The following FRMD3 variants were observed in gnomAD, a reference collection of about 807,000 sequenced individuals.
The protein encoded by FRMD3 is FERM domain-containing protein 3.
FRMD3 carries 33 observed loss-of-function variants against 70.2 expected under a neutral mutation model. The ratio of observed to expected loss-of-function variants is 0.47; its 90% CI spans 0.36 to 0.63. The LOEUF (loss-of-function observed/expected upper bound fraction) is 0.63. Among genes scored for constraint, FRMD3 ranks in the 20% least tolerant of loss-of-function variants. The pLI, the probability that FRMD3 is intolerant of heterozygous loss-of-function variation, is 0.00. For synonymous variants in FRMD3, 279 were observed against 255.9 expected, an observed-to-expected ratio of 1.09 and a Z score of -0.86; for missense variants, 632 against 711.4, an observed-to-expected ratio of 0.89 and a Z score of 1.27.
intron 6 of FRMD3, among the ~76,000 whole-genome samples, chr9:83,326,240 G>A (rs7858312): frequency 0.45 from 68,044 of 151,964 alleles, 15,781 homozygotes; most frequent in African/African-American, 0.57. Flanking sequence ...TTAACACACA[G>A]TATGTTCTGT....
At chr9:83,360,591 G>C (rs954947911) in intron 3 of FRMD3, among the ~76,000 whole-genome samples, 1 of 152,088 alleles carries the variant, frequency 6.6e-6, no homozygotes, top group Non-Finnish European at 1.5e-5. Flanking sequence ...TACTGCCCCA[G>C]AGATATAAGG....
chr9:83,381,125 C>T (rs1396459991), intron 2 of FRMD3, among the ~76,000 whole-genome samples: 1 of 152,200 alleles, frequency 6.6e-6, no homozygotes, highest in African/African-American at 2.4e-5. Context: ...ATAGCGAGGC[C>T]TAGTTATTTA....
intron 13 of FRMD3, among the ~76,000 whole-genome samples, chr9:83,269,066 T>C (rs571738664): frequency 6.6e-6 from 1 of 152,314 alleles, no homozygotes; most frequent in African/African-American, 2.4e-5. Context: ...TTTAGGACAC[T>C]GAAGAACAAA....
At chr9:83,431,848 G>A (rs1220257695) in intron 1 of FRMD3, among the ~76,000 whole-genome samples, 2 of 152,124 alleles carry the variant, frequency 1.3e-5, no homozygotes, top group African/African-American at 2.4e-5. Flanking sequence ...TTGCCTTTCA[G>A]GAATGAGCTC....
intron 1 of FRMD3, among the ~76,000 whole-genome samples, chr9:83,505,310 C>G (rs530007857): frequency 1.3e-5 from 2 of 152,124 alleles, no homozygotes; most frequent in Non-Finnish European, 2.9e-5. Context: ...TTTTTGCCAG[C>G]CTACTAATTT....
At chr9:83,443,332 G>A (rs551623481) in intron 1 of FRMD3, among the ~76,000 whole-genome samples, 16 of 152,114 alleles carry the variant, frequency 1.1e-4, no homozygotes, top group South Asian at 2.1e-4. Context: ...GATGTACCCC[G>A]CCCTGTATCG....
intron 4 of FRMD3, among the ~76,000 whole-genome samples, chr9:83,344,663 T>C (rs748212967): frequency 6.6e-6 from 1 of 152,216 alleles, no homozygotes; most frequent in Non-Finnish European, 1.5e-5. Context: ...CCATTGACTC[T>C]CTGGTTCTCA....
chr9:83,316,158 TTTC>T (rs1382198922), intron 6 of FRMD3, among the ~76,000 whole-genome samples: 92 of 127,452 alleles, frequency 7.2e-4, no homozygotes, highest in African/African-American at 3.2e-3. Flanking sequence ...CTTTTTTTTT[TTTC>T]TTTTTTTTTT....
At chr9:83,505,048 A>G (rs988617664) in intron 1 of FRMD3, among the ~76,000 whole-genome samples, 1 of 152,128 alleles carries the variant, frequency 6.6e-6, no homozygotes, top group Non-Finnish European at 1.5e-5. Flanking sequence ...GGCAAAAAAA[A>G]TGTTCATGCA....
At chr9:83,439,017 G>A (rs1827221232) in intron 1 of FRMD3, among the ~76,000 whole-genome samples, 1 of 152,164 alleles carries the variant, frequency 6.6e-6, no homozygotes, top group African/African-American at 2.4e-5. Context: ...ATACCCATGT[G>A]AAGTTCCTTT....
chr9:83,346,599 A>T (rs1270903391), intron 4 of FRMD3, among the ~76,000 whole-genome samples: 1 of 152,200 alleles, frequency 6.6e-6, no homozygotes, highest in Non-Finnish European at 1.5e-5. Flanking sequence ...GGTGATGAAA[A>T]TGTTTTGGAA....
chr9:83,518,629 G>GA (rs1472964793), intron 1 of FRMD3, among the ~76,000 whole-genome samples: 1 of 151,678 alleles, frequency 6.6e-6, no homozygotes, highest in East Asian at 1.9e-4. Flanking sequence ...CACAGAATTA[G>GA]AAAAAACTAC....
At chr9:83,312,094 T>A (rs768217283) in intron 7 of FRMD3, 119 bp from the exon 8 acceptor site, 2 of 723,356 alleles carry the variant, frequency 2.8e-6, no homozygotes, top group Non-Finnish European at 4.4e-6. Flanking sequence ...ATCCCAATGA[T>A]TGTAGCAATA....
At position 83,508,841 on chromosome 9, in the gene FRMD3, C is replaced by T. The variant is rs967406732; in HGVS notation, c.147+29244G>A. Among the ~76,000 whole-genome samples, 4 of 152,182 alleles carry T rather than the reference C, an allele frequency of 2.6e-5. No individual in the cohort carries two copies. In the East Asian group the frequency reaches 7.7e-4, roughly 29 times the overall value. ...TGTGCACTGTCTACAGCTGCTTTTGCACCACATGACTTGTTGAGTAGCTGG... is the reference window on the plus strand; with the variant it reads ...TGTGCACTGTCTACAGCTGCTTTTGTACCACATGACTTGTTGAGTAGCTGG... On this transcript the variant is annotated intron_variant, in intron 1 of 13. Transcript: ENST00000304195.
intron 6 of FRMD3, among the ~76,000 whole-genome samples, chr9:83,315,782 G>A (rs542676146): frequency 3.3e-5 from 5 of 152,300 alleles, no homozygotes; most frequent in African/African-American, 7.2e-5. Flanking sequence ...ACTGGGGGCC[G>A]AAGGTTCTAG....
chr9:83,287,012 C>G (rs1834244916), intron 13 of FRMD3, among the ~76,000 whole-genome samples: 2 of 152,170 alleles, frequency 1.3e-5, no homozygotes, highest in Non-Finnish European at 2.9e-5. Context: ...CGGTAGGAAT[C>G]CACAGGCTGT....
chr9:83,543,957 T>C, the FRMD3 span, among the ~76,000 whole-genome samples: 1 of 152,294 alleles, frequency 6.6e-6, no homozygotes, highest in East Asian at 1.9e-4. Flanking sequence ...TAAGCATACC[T>C]GTAGACAGCC....
At chr9:83,479,303 A>AGAT (rs1481064739) in intron 1 of FRMD3, among the ~76,000 whole-genome samples, 1 of 116,306 alleles carries the variant, frequency 8.6e-6, no homozygotes, top group African/African-American at 3.2e-5. Context: ...AAGAAGAAGA[A>AGAT]GGAGAAGGAG....
chr9:83,490,357 C>T (rs529593628), intron 1 of FRMD3, among the ~76,000 whole-genome samples: 2 of 152,150 alleles, frequency 1.3e-5, no homozygotes, highest in African/African-American at 4.8e-5. Flanking sequence ...ATGGCACTTT[C>T]AGCTCATTGA....
Sources: gnomAD v4.1 joint callset for allele counts (sites outside exome capture counted in the v4.1 genomes callset) on GRCh38, gnomAD v4.1.1 for gene constraint, MANE v1.5 for transcripts, NCBI Gene and HGNC (gene_info 2026-07-23, HGNC 2026-07-21) for gene names.